TERF2: variants seen among roughly 807,000 people sequenced by gnomAD.
The protein encoded by TERF2 is telomeric repeat binding factor 2.
A neutral mutation model predicts 56.1 loss-of-function variants in TERF2; 16 were observed. The ratio of observed to expected loss-of-function variants is 0.29; its 90% confidence interval spans 0.19 to 0.43. The LOEUF (loss-of-function observed/expected upper bound fraction) is 0.43, where lower values mean the gene tolerates loss of function less well. TERF2 is among the 20% of genes least tolerant of loss of function. TERF2 has a pLI of 1.00. For missense variants in TERF2, 547 were observed against 712.9 expected (o/e 0.77, Z 2.65); for synonymous variants, 296 against 282.1 (o/e 1.05, Z -0.50).
At chr16:69,357,917 CGGCTCACTGCAAGCTCCGCCTCCCA>C (rs1312945395) in intron 8 of TERF2, among the ~76,000 whole-genome samples, 8 of 148,336 alleles carry the variant, frequency 5.4e-5, no homozygotes, top group Non-Finnish European at 1.2e-4. Flanking sequence ...GGCGCTATCT[CGGCTCACTGCAAGCTCCGCCTCCCA>C]GGTTCACCCC....
At chr16:69,380,830 G>A (rs545211751) in intron 3 of TERF2, among the ~76,000 whole-genome samples, 2 of 146,110 alleles carry the variant, frequency 1.4e-5, no homozygotes, top group African/African-American at 5.1e-5. Context: ...CTGAGATGGA[G>A]TCTCACTGTT....
At chr16:69,378,891 A>C (rs1205506071) in intron 3 of TERF2, among the ~76,000 whole-genome samples, 2 of 150,880 alleles carry the variant, frequency 1.3e-5, no homozygotes, top group Non-Finnish European at 2.9e-5. Context: ...GAAATGAAGA[A>C]GTCTGCTTCA....
chr16:69,370,544 T>A lies in TERF2; in HGVS notation c.779A>T (p.Gln260Leu), dbSNP rs964128268. The A allele has an allele frequency of 6.2e-7, 1 of 1,614,212 alleles. No individual in the cohort carries two copies. The highest frequency in any genetic ancestry group is 8.5e-7 in the Non-Finnish European group (1 of 1,180,034). Residue 260 changes from glutamine (Q) to leucine (L), a missense_variant, in exon 5 of 10, where the codon CAG becomes CTG. Physicochemically the swap from Gln to Leu is moderately radical, Grantham distance 113. This residue lies in a region of TERF2 where 97 missense variants were observed against 157.0 expected (regional missense o/e 0.62). Transcript: ENST00000254942. The part of the protein sequence containing the change: ...VIQNFSYETF[Q>L]QKMLRFLESH... Reference sequence around the variant, plus strand: ...CTCCAGGAAGCGCAGCATCTTCTGCTGGAAGGTCTCATATGAAAAGTTCTG... The same window carrying A: ...CTCCAGGAAGCGCAGCATCTTCTGCAGGAAGGTCTCATATGAAAAGTTCTG...
intron 7 of TERF2, chr16:69,365,453 G>A (rs948297106): frequency 3.3e-5 from 5 of 152,414 alleles, no homozygotes; most frequent in Admixed American, 6.5e-5. Flanking sequence ...GGCAGAGGTG[G>A]CCTTGGGAGA....
At chr16:69,361,685 AG>A (rs2013146498) in intron 7 of TERF2, among the ~76,000 whole-genome samples, 196 bp from the exon 8 acceptor site, 1 of 152,050 alleles carries the variant, frequency 6.6e-6, no homozygotes, top group Non-Finnish European at 1.5e-5. Flanking sequence ...AACACCCCTC[AG>A]GCTGCAGGAC....
intron 8 of TERF2, among the ~76,000 whole-genome samples, chr16:69,358,431 C>T (rs2013002709): frequency 6.6e-6 from 1 of 152,196 alleles, no homozygotes; most frequent in East Asian, 1.9e-4. Flanking sequence ...CAGGTGTGAA[C>T]CACCATGCCT....
rs1458501612 is a variant in TERF2 at position 69,385,707 on chromosome 16, G to A, written c.265C>T (p.Arg89Trp). 1.3e-6 allele frequency: 2 copies of A among 1,598,102 alleles called. No homozygotes were observed. Among genetic ancestry groups the A allele is most frequent in the Non-Finnish European group, 1.7e-6 (2 of 1,174,212 alleles). ...GPAERGAGEA[R>W]LEEAVNRWVL... ...CAGCGATTGACTGCCTCTTCCAGCCGTGCCTCCCCCGCGCCGCGCTCCGCC... is the reference window on the plus strand; with the variant it reads ...CAGCGATTGACTGCCTCTTCCAGCCATGCCTCCCCCGCGCCGCGCTCCGCC... Residue 89 changes from arginine (R) to tryptophan (W), a missense_variant, in exon 1 of 10, where the codon CGG becomes TGG. Arg to Trp is a moderately radical substitution (Grantham distance 101). This residue lies in a region of TERF2 where 120 missense variants were observed against 172.4 expected (regional missense o/e 0.70). Coordinates refer to ENST00000254942, the MANE Select transcript of TERF2 (RefSeq NM_005652.5).
intron 3 of TERF2, among the ~76,000 whole-genome samples, chr16:69,375,706 T>C (rs1354174845): frequency 1.3e-5 from 2 of 152,168 alleles, no homozygotes; most frequent in Non-Finnish European, 2.9e-5. Flanking sequence ...CTACTTCAGG[T>C]GCCCAAGTAG....
At chr16:69,368,679 CTA>C in intron 5 of TERF2, 197 bp from the exon 6 acceptor site, 1 of 1,407,666 alleles carries the variant, frequency 7.1e-7, no homozygotes, top group East Asian at 2.8e-5. Context: ...CTTAAGATAA[CTA>C]ATACATTTTT....
intron 4 of TERF2, among the ~76,000 whole-genome samples, chr16:69,371,566 G>A (rs974782159): frequency 2.5e-4 from 38 of 151,054 alleles, no homozygotes; most frequent in African/African-American, 8.8e-4. Flanking sequence ...CGTAATCCCA[G>A]CACTTTGGGA....
chr16:69,361,570 G>T, intron 7 of TERF2, 81 bp from the exon 8 acceptor site: 1 of 968,662 alleles, frequency 1.0e-6, no homozygotes, highest in Non-Finnish European at 1.7e-6. Context: ...GCTCACTCTT[G>T]GCCCTGTACT....
rs138458716 is a variant in TERF2 at position 69,356,070 on chromosome 16, A to G, written c.*828T>C. On this transcript the variant is annotated 3_prime_UTR_variant, in exon 10 of 10. Transcript: ENST00000254942. The stretch of plus-strand genomic sequence containing the variant: ...TCTAGGGTTGATGTCACGACTGGCT[A>G]AAGAGTTTTTAAAGGGAATCTTATT... 5.6e-3 allele frequency: 2,140 copies of G among 380,490 alleles called. 34 individuals carry two copies. The Middle Eastern group carries it at 0.09, about 16-fold the overall frequency. The allele number at this position is 380,490 out of a possible 1,614,324, so 23.6% of individuals were successfully genotyped here.
At chr16:69,358,355 C>A (rs1362961480) in intron 8 of TERF2, among the ~76,000 whole-genome samples, 5 of 152,054 alleles carry the variant, frequency 3.3e-5, no homozygotes, top group Non-Finnish European at 7.4e-5. Context: ...ACTGTGTTAG[C>A]CAGGGTGGTA....
Position 69,367,154 on chromosome 16 carries a change from T to G in TERF2, c.993A>C (p.Lys331Asn), listed in dbSNP as rs1203980526. Residue 331 changes from lysine to asparagine, a missense_variant, in exon 7 of 10, where the codon AAA becomes AAC. Physicochemically the swap from Lys to Asn is moderately conservative, Grantham distance 94 (BLOSUM62 0). Around this residue, in one of 6 missense-constraint regions of TERF2, gnomAD observed 211 missense variants for 236.8 expected, o/e 0.89. Coordinates refer to ENST00000254942, the MANE Select transcript of TERF2 (RefSeq NM_005652.5). ...PPTTIGMMTL[K>N]AAFKTLSGAQ... ...CACCAGACAGAGTCTTGAAAGCTGC[T>G]TTCAGAGTCATCATTCCAATGGTGG... is the stretch of plus-strand genomic sequence containing the variant. The G allele has an allele frequency of 6.2e-7, 1 of 1,614,154 alleles. No individual in the cohort carries two copies. Among genetic ancestry groups the G allele is most frequent in the South Asian group, 1.1e-5 (1 of 91,086 alleles).
At chr16:69,365,071 A>G (rs1025280737) in intron 7 of TERF2, 1 of 152,232 alleles carries the variant, frequency 6.6e-6, no homozygotes, top group African/African-American at 2.4e-5. Context: ...ATTAGACTTC[A>G]TATCCTTGAC....
Position 69,368,480 on chromosome 16 carries a change from C to T in TERF2, c.843G>A (p.Met281Ile). 3 of 1,614,030 alleles carry T rather than the reference C, an allele frequency of 1.9e-6. No individual in the cohort carries two copies. The highest frequency in any genetic ancestry group is 2.5e-6 in the Non-Finnish European group (3 of 1,179,988). The change falls in exon 6 of 10, where the codon ATG (methionine) becomes ATA (isoleucine). Residue 281 changes from methionine to isoleucine, a missense_variant and splice_region_variant. Physicochemically the swap from Met to Ile is conservative, Grantham distance 10 (BLOSUM62 1). This residue lies in a region of TERF2 where 97 missense variants were observed against 157.0 expected (regional missense o/e 0.62). Coordinates refer to ENST00000254942, the MANE Select transcript of TERF2 (RefSeq NM_005652.5). ...LDDAEPYLLT[M>I]AKKALKSESA... ...ACTCAGATTTCAAAGCCTTTTTGGC[C>T]ATCTGGGAAAGGAAGGATGTCATCA...
Position 69,385,439 on chromosome 16 carries a change from G to A in TERF2, c.427C>T (p.Leu143=). 18 of 1,614,130 alleles carry A rather than the reference G, an allele frequency of 1.1e-5. No individual in the cohort carries two copies. The highest frequency in any genetic ancestry group is 1.4e-5 in the Non-Finnish European group (17 of 1,180,022). Residue 143 remains leucine (L), a synonymous_variant, in exon 2 of 10, where the codon CTG becomes TTG. Coordinates refer to ENST00000254942, the MANE Select transcript of TERF2 (RefSeq NM_005652.5). Reference sequence around the variant, plus strand: ...CGCGACAGACACTGCATAACCCGCAGCAATCGGGACACGGTGTGCTCCTTC... The same window carrying A: ...CGCGACAGACACTGCATAACCCGCAACAATCGGGACACGGTGTGCTCCTTC... ...LGKEHTVSRL[L]RVMQCLSRIE...
chr16:69,363,007 C>T (rs976846718), intron 7 of TERF2, among the ~76,000 whole-genome samples: 1 of 152,132 alleles, frequency 6.6e-6, no homozygotes, highest in Non-Finnish European at 1.5e-5. Context: ...CATAAGTTTT[C>T]TATGAAATTA....
chr16:69,384,304 G>A (rs1393550886), intron 3 of TERF2, among the ~76,000 whole-genome samples: 2 of 152,112 alleles, frequency 1.3e-5, no homozygotes, highest in Non-Finnish European at 2.9e-5. Flanking sequence ...GAGTGCTCCC[G>A]AATGGTGCAG....
Sources: allele counts gnomAD v4.1 joint callset (sites outside exome capture counted in the v4.1 genomes callset), GRCh38; gene constraint gnomAD v4.1.1; regional missense constraint gnomAD v4.1.1; transcripts MANE v1.5; gene names NCBI Gene and HGNC (gene_info 2026-07-23, HGNC 2026-07-21).